The following XIRP2 variants were observed in gnomAD, a reference collection of about 807,000 sequenced individuals.
The protein encoded by XIRP2 is xin actin-binding repeat-containing protein 2.
XIRP2 carries 236 observed loss-of-function variants against 277.0 expected under a neutral mutation model. The observed-to-expected ratio is 0.85, with a 90% CI of 0.77 to 0.95. The LOEUF is 0.95. XIRP2 is among the 40% of genes least tolerant of loss of function. XIRP2 has a pLI of 0.00. For synonymous variants in XIRP2, 1,490 were observed against 1,416.5 expected, an observed-to-expected ratio of 1.05 and a Z score of -1.17; for missense variants, 4,640 against 4,157.5, an observed-to-expected ratio of 1.12 and a Z score of -3.19.
intron 1 of XIRP2, among the ~76,000 whole-genome samples, chr2:166,900,521 G>A (rs928641682): frequency 6.6e-6 from 1 of 151,890 alleles, no homozygotes; most frequent in Non-Finnish European, 1.5e-5. Flanking sequence ...GGTCTTTGGT[G>A]GCTCTTAATA....
chr2:166,984,804 A>G (rs1044470137), intron 2 of XIRP2, among the ~76,000 whole-genome samples: 1 of 152,216 alleles, frequency 6.6e-6, no homozygotes, highest in Non-Finnish European at 1.5e-5. Context: ...TGTCACTTAA[A>G]GTGGAGTTCT....
chr2:166,893,302 TA>T (rs1420675640), intron 1 of XIRP2, among the ~76,000 whole-genome samples: 1 of 152,148 alleles, frequency 6.6e-6, no homozygotes, highest in African/African-American at 2.4e-5. Context: ...AGATGGCATT[TA>T]TTTTCTCTTC....
intron 2 of XIRP2, among the ~76,000 whole-genome samples, chr2:167,066,193 A>G (rs1353901686): frequency 6.6e-6 from 1 of 151,852 alleles, no homozygotes; most frequent in African/African-American, 2.4e-5. Flanking sequence ...TAGTATGTGG[A>G]TTTTCTGAAA....
chr2:166,911,377 C>A (rs1464167067), intron 2 of XIRP2, among the ~76,000 whole-genome samples: 1 of 151,504 alleles, frequency 6.6e-6, no homozygotes, highest in South Asian at 2.1e-4. Context: ...ATGGCCTTGT[C>A]TCTTTTGAGC....
At position 167,249,813 on chromosome 2, in the gene XIRP2, T is replaced by C. The variant is rs1559044148; in HGVS notation, c.8421T>C (p.Phe2807=). ...TGGTTCCCAGGAAGCAAAGAGAATT[T>C]AGCGGATCTGACAGAGGGAAACTTC... ...LKMVPRKQRE[F]SGSDRGKLPG... is the part of the protein sequence containing the mutation. Residue 2807 remains phenylalanine, a synonymous_variant, in exon 9 of 11, where the codon TTT becomes TTC. Transcript: ENST00000409195. 6.2e-7 allele frequency: 1 copy of C among 1,613,374 alleles called. No individual in the cohort carries two copies. The highest frequency in any genetic ancestry group is 8.5e-7 in the Non-Finnish European group (1 of 1,179,708).
At chr2:167,073,848 A>G (rs1282298517) in intron 2 of XIRP2, among the ~76,000 whole-genome samples, 1 of 152,206 alleles carries the variant, frequency 6.6e-6, no homozygotes, top group African/African-American at 2.4e-5. Flanking sequence ...AAGCTGAAAC[A>G]GTAAATGTCT....
At chr2:167,146,013 A>T (rs184730433) in intron 3 of XIRP2, among the ~76,000 whole-genome samples, 2 of 152,354 alleles carry the variant, frequency 1.3e-5, no homozygotes, top group African/African-American at 2.4e-5. Context: ...AATATTTTTT[A>T]AAAGTGTATC....
intron 2 of XIRP2, among the ~76,000 whole-genome samples, chr2:167,066,836 A>G (rs1291451207): frequency 6.6e-6 from 1 of 152,190 alleles, no homozygotes; most frequent in Non-Finnish European, 1.5e-5. Flanking sequence ...ATTTGACAGC[A>G]TGGCTGAACC....
At chr2:166,987,579 T>G (rs1164369058) in intron 2 of XIRP2, among the ~76,000 whole-genome samples, 2 of 152,172 alleles carry the variant, frequency 1.3e-5, no homozygotes, top group Non-Finnish European at 2.9e-5. Flanking sequence ...CATAATGAAC[T>G]TAGAAATAAT....
chr2:167,049,379 A>G (rs187675280), intron 2 of XIRP2, among the ~76,000 whole-genome samples: 24 of 151,896 alleles, frequency 1.6e-4, no homozygotes, highest in African/African-American at 5.5e-4. Flanking sequence ...AACATTAGCT[A>G]TCCTTCATTT....
At chr2:167,056,121 A>G (rs932642131) in intron 2 of XIRP2, among the ~76,000 whole-genome samples, 1 of 152,252 alleles carries the variant, frequency 6.6e-6, no homozygotes, top group East Asian at 1.9e-4. Context: ...CACAAACATT[A>G]CCTGGAATAG....
intron 2 of XIRP2, among the ~76,000 whole-genome samples, chr2:166,914,797 C>CA (rs1322131430): frequency 6.6e-6 from 1 of 152,114 alleles, no homozygotes; most frequent in African/African-American, 2.4e-5. Context: ...CCCTGACAAG[C>CA]ATATTTCCAT....
intron 3 of XIRP2, among the ~76,000 whole-genome samples, chr2:167,176,043 GTT>G (rs1329589874): frequency 6.6e-6 from 1 of 152,186 alleles, no homozygotes; most frequent in African/African-American, 2.4e-5. Context: ...ATGGATCTTA[GTT>G]TGCTGGGTTC....
At chr2:167,183,619 ATGAAATTCTCTATCTTTTCAT>A (rs1693078365) in intron 3 of XIRP2, among the ~76,000 whole-genome samples, 1 of 152,004 alleles carries the variant, frequency 6.6e-6, no homozygotes, top group African/African-American at 2.4e-5. Flanking sequence ...TAATTTTCTC[ATGAAATTCTCTATCTTTTCAT>A]ATGTTTTGTG....
At chr2:167,202,074 A>G (rs60016563) in intron 3 of XIRP2, among the ~76,000 whole-genome samples, 8 of 152,166 alleles carry the variant, frequency 5.3e-5, no homozygotes, top group African/African-American at 1.9e-4. Flanking sequence ...ACTGATAGCT[A>G]TCATTATTAT....
chr2:166,906,106 G>A, intron 2 of XIRP2, among the ~76,000 whole-genome samples: 1 of 151,730 alleles, frequency 6.6e-6, no homozygotes, highest in Middle Eastern at 3.2e-3. Context: ...TGTGGAAAAA[G>A]GTATTCAATA....
chr2:167,034,391 T>C (rs941409856), intron 2 of XIRP2, among the ~76,000 whole-genome samples: 3 of 150,930 alleles, frequency 2.0e-5, no homozygotes, highest in African/African-American at 7.3e-5. Flanking sequence ...CTACACAGAA[T>C]AACAAAAGAA....
intron 4 of XIRP2, among the ~76,000 whole-genome samples, chr2:167,211,225 G>A (rs1252997730): frequency 2.0e-5 from 3 of 152,074 alleles, no homozygotes; most frequent in Non-Finnish European, 2.9e-5. Flanking sequence ...AGCCTCCCGA[G>A]TAGCTGGGAT....
intron 2 of XIRP2, among the ~76,000 whole-genome samples, chr2:167,021,543 G>A (rs751215114): frequency 6.6e-6 from 1 of 152,068 alleles, no homozygotes; most frequent in African/African-American, 2.4e-5. Flanking sequence ...ATGTTTGTTG[G>A]AAATTTTTCT....
Sources: allele counts gnomAD v4.1 joint callset (sites outside exome capture counted in the v4.1 genomes callset), GRCh38; gene constraint gnomAD v4.1.1; transcripts MANE v1.5; gene names NCBI Gene and HGNC (gene_info 2026-07-23, HGNC 2026-07-21).